NEXMIF: variants seen among roughly 807,000 people sequenced by gnomAD.
NEXMIF encodes XLMR protein related to neurite extension.
NEXMIF carries 8 observed loss-of-function variants against 62.1 expected under a neutral mutation model. The observed-to-expected ratio is 0.13, with a 90% CI of 0.08 to 0.23. The LOEUF (loss-of-function observed/expected upper bound fraction) is 0.23, where lower values mean the gene tolerates loss of function less well. Among genes scored for constraint, NEXMIF ranks in the 10% least tolerant of loss-of-function variants. The probability of loss-of-function intolerance (pLI) is 1.00; values close to 1 mark genes in which losing one functional copy is unlikely to be tolerated. For missense variants in NEXMIF, 976 were observed against 1,113.3 expected (o/e 0.88, Z 1.75); for synonymous variants, 404 against 416.6 (o/e 0.97, Z 0.37).
chrX:74,851,252 A>G (rs1426510401), intron 1 of NEXMIF, among the ~76,000 whole-genome samples: 1 of 111,421 alleles, frequency 9.0e-6, no homozygotes, highest in African/African-American at 3.3e-5. Flanking sequence ...CAAATACTTG[A>G]CCTTCAGTGT....
intron 1 of NEXMIF, among the ~76,000 whole-genome samples, chrX:74,747,171 G>A (rs1267916987): frequency 1.8e-5 from 2 of 111,604 alleles, no homozygotes; most frequent in Admixed American, 1.9e-4. Flanking sequence ...CCCCTCTTTT[G>A]CCCCTCCACT....
intron 1 of NEXMIF, among the ~76,000 whole-genome samples, chrX:74,769,476 T>C (rs145387565): frequency 6.2e-4 from 69 of 111,810 alleles, no homozygotes; most frequent in African/African-American, 2.2e-3. Context: ...GAAAATCAAA[T>C]GCCAACACTA....
intron 1 of NEXMIF, among the ~76,000 whole-genome samples, 200 bp downstream of exon 1, chrX:74,924,683 G>A (rs1000725253): frequency 3.5e-5 from 4 of 113,716 alleles, no homozygotes; most frequent in Non-Finnish European, 5.6e-5. Context: ...AGGGCGAGCC[G>A]GGATCTCTCG....
intron 1 of NEXMIF, among the ~76,000 whole-genome samples, chrX:74,815,214 A>G (rs768147060): frequency 8.9e-6 from 1 of 112,089 alleles, no homozygotes; most frequent in Non-Finnish European, 1.9e-5. Context: ...GCTAATTGAA[A>G]TAAATCCTTT....
At chrX:74,758,727 G>A (rs2080166885) in intron 1 of NEXMIF, among the ~76,000 whole-genome samples, 1 of 111,545 alleles carries the variant, frequency 9.0e-6, no homozygotes, top group Admixed American at 9.5e-5. Flanking sequence ...ATGTCCCTGC[G>A]AAGGACATGA....
intron 1 of NEXMIF, among the ~76,000 whole-genome samples, chrX:74,788,813 G>T (rs1602227486): frequency 9.1e-6 from 1 of 110,183 alleles, no homozygotes; most frequent in South Asian, 3.9e-4. Flanking sequence ...AAGGGAAGGG[G>T]GTAGAGTGAT....
chrX:74,871,496 T>A (rs1356198713), intron 1 of NEXMIF, among the ~76,000 whole-genome samples: 1 of 111,296 alleles, frequency 9.0e-6, no homozygotes, highest in African/African-American at 3.3e-5. Flanking sequence ...CTGACTAGAA[T>A]TTACCAGGCT....
At chrX:74,756,218 C>A (rs2080158925) in intron 1 of NEXMIF, among the ~76,000 whole-genome samples, 1 of 112,210 alleles carries the variant, frequency 8.9e-6, no homozygotes. Context: ...GCCTCGGCCT[C>A]CCGTAGTGCT....
intron 1 of NEXMIF, among the ~76,000 whole-genome samples, chrX:74,808,642 G>C (rs1448328511): frequency 1.8e-5 from 2 of 112,006 alleles, no homozygotes; most frequent in African/African-American, 3.2e-5. Context: ...CAGAGAACTG[G>C]TATAACTTCT....
chrX:74,836,695 T>G (rs890316595), intron 1 of NEXMIF, among the ~76,000 whole-genome samples: 2 of 111,288 alleles, frequency 1.8e-5, no homozygotes, highest in Admixed American at 1.9e-4. Flanking sequence ...TTTGTTTTCC[T>G]CCCCTTAAGC....
intron 1 of NEXMIF, among the ~76,000 whole-genome samples, chrX:74,760,615 C>G (rs1020912434): frequency 9.0e-6 from 1 of 111,438 alleles, no homozygotes; most frequent in African/African-American, 3.3e-5. Context: ...TGAATTTTAA[C>G]AAAGCCTTTT....
At chrX:74,872,172 C>A (rs757305756) in intron 1 of NEXMIF, among the ~76,000 whole-genome samples, 1 of 110,989 alleles carries the variant, frequency 9.0e-6, no homozygotes, top group South Asian at 3.9e-4. Context: ...TTCAGCCGGT[C>A]CCCCCGTTCA....
intron 1 of NEXMIF, among the ~76,000 whole-genome samples, chrX:74,752,711 C>A: frequency 8.9e-6 from 1 of 111,891 alleles, no homozygotes; most frequent in Admixed American, 9.5e-5. Flanking sequence ...AGCCTCCTCA[C>A]TAGTCTTAAC....
chrX:74,753,677 C>T (rs1486952965), intron 1 of NEXMIF, among the ~76,000 whole-genome samples: 5 of 107,377 alleles, frequency 4.7e-5, no homozygotes, highest in African/African-American at 1.4e-4. Context: ...CAAGGCATAC[C>T]CACCCAAGCA....
At chrX:74,753,351 G>A (rs1432419224) in intron 1 of NEXMIF, among the ~76,000 whole-genome samples, 1 of 111,744 alleles carries the variant, frequency 8.9e-6, no homozygotes, top group Non-Finnish European at 1.9e-5. Flanking sequence ...GAAACTACTT[G>A]CCAGTGTTAC....
At chrX:74,860,471 C>T (rs1367048997) in intron 1 of NEXMIF, among the ~76,000 whole-genome samples, 7 of 112,033 alleles carry the variant, frequency 6.2e-5, no homozygotes. Context: ...TTCTTCAGCA[C>T]ATGAATATCA....
chrX:74,762,172 T>C (rs1212115189), intron 1 of NEXMIF, among the ~76,000 whole-genome samples: 4 of 96,289 alleles, frequency 4.2e-5, no homozygotes, highest in Admixed American at 3.6e-4. Context: ...TGTGTTCAAG[T>C]GTTCTCATTG....
At chrX:74,866,434 G>A (rs1203836767) in intron 1 of NEXMIF, among the ~76,000 whole-genome samples, 1 of 111,324 alleles carries the variant, frequency 9.0e-6, no homozygotes, top group Non-Finnish European at 1.9e-5. Context: ...GAAGGGACTT[G>A]TCTTGTCTCA....
chrX:74,776,230 C>A (rs1054539862), intron 1 of NEXMIF, among the ~76,000 whole-genome samples: 4 of 111,765 alleles, frequency 3.6e-5, no homozygotes, highest in African/African-American at 1.3e-4. Context: ...ACAGGCGGCA[C>A]AGACAGTGTT....
Sources: allele counts gnomAD v4.1 joint callset (sites outside exome capture counted in the v4.1 genomes callset), GRCh38; gene constraint gnomAD v4.1.1; transcripts MANE v1.5; gene names NCBI Gene and HGNC (gene_info 2026-07-23, HGNC 2026-07-21).